The following PLAC8 variants were observed in gnomAD, a reference collection of about 807,000 sequenced individuals.
PLAC8 encodes placenta associated 8, also known as placenta-specific gene 8 protein.
In PLAC8, 6 loss-of-function variants were observed where a neutral mutation model predicts 12.6. The observed-to-expected ratio is 0.48, with a 90% CI of 0.26 to 0.94. PLAC8 has a LOEUF of 0.94. PLAC8 is among the 40% of genes least tolerant of loss of function. The pLI is 0.14. For synonymous variants in PLAC8, 54 were observed against 52.6 expected, an observed-to-expected ratio of 1.03 and a Z score of -0.11; for missense variants, 122 against 152.7, an observed-to-expected ratio of 0.80 and a Z score of 1.06.
intron 2 of PLAC8, among the ~76,000 whole-genome samples, 183 bp from the exon 3 acceptor site, chr4:83,105,203 T>C (rs1429167983): frequency 6.6e-6 from 1 of 152,250 alleles, no homozygotes; most frequent in Non-Finnish European, 1.5e-5. Flanking sequence ...CCGCAAATCA[T>C]TTCAGGAATG....
chr4:83,097,011 T>C (rs1047394746), intron 3 of PLAC8, among the ~76,000 whole-genome samples: 1 of 152,202 alleles, frequency 6.6e-6, no homozygotes. Flanking sequence ...TTCCCTCCTT[T>C]TGGGGATGGA....
chr4:83,095,904 T>A (rs375858238), intron 3 of PLAC8, among the ~76,000 whole-genome samples: 1 of 152,236 alleles, frequency 6.6e-6, no homozygotes, highest in East Asian at 1.9e-4. Context: ...GACTTGAAAC[T>A]GAACACAGTC....
intron 3 of PLAC8, among the ~76,000 whole-genome samples, chr4:83,095,942 T>A (rs1002625657): frequency 6.6e-6 from 1 of 152,192 alleles, no homozygotes; most frequent in African/African-American, 2.4e-5. Flanking sequence ...TGAACCCTCA[T>A]CTCCATCAAG....
chr4:83,099,933 G>A (rs1322693560), intron 3 of PLAC8, among the ~76,000 whole-genome samples: 1 of 151,674 alleles, frequency 6.6e-6, no homozygotes, highest in Non-Finnish European at 1.5e-5. Context: ...TTGAACCTGG[G>A]AGGCAGAGGT....
intron 3 of PLAC8, among the ~76,000 whole-genome samples, chr4:83,103,568 A>T (rs1484165758): frequency 1.2e-4 from 19 of 152,210 alleles, no homozygotes; most frequent in Admixed American, 1.2e-3. Context: ...AAGAAGTTCT[A>T]TTGTAGGTAA....
chr4:83,095,421 A>G (rs537904712), intron 3 of PLAC8, among the ~76,000 whole-genome samples: 1 of 152,344 alleles, frequency 6.6e-6, no homozygotes, highest in Admixed American at 6.5e-5. Context: ...ACTAACAAAA[A>G]CTCAATAATT....
intron 4 of PLAC8, chr4:83,093,850 T>C (rs1033698326): frequency 3.3e-5 from 5 of 152,220 alleles, no homozygotes; most frequent in African/African-American, 1.2e-4. Flanking sequence ...GATACATTAG[T>C]TGCTAAGATA....
intron 1 of PLAC8, among the ~76,000 whole-genome samples, chr4:83,111,492 A>C (rs1732422626): frequency 6.6e-6 from 1 of 152,000 alleles, no homozygotes; most frequent in Admixed American, 6.6e-5. Context: ...AAAATAAAAA[A>C]ATAAAAAAAA....
intron 3 of PLAC8, among the ~76,000 whole-genome samples, chr4:83,100,830 C>A (rs2126141480): frequency 6.6e-6 from 1 of 152,304 alleles, no homozygotes; most frequent in African/African-American, 2.4e-5. Flanking sequence ...CAGAGAGAGG[C>A]TGAAAGCTAG....
Position 83,104,948 on chromosome 4 carries a change from CACAG to C in PLAC8, c.187_190del (p.Leu63ValfsTer7). On this transcript the variant is annotated frameshift_variant, in exon 3 of 5. Transcript: ENST00000311507. LOFTEE classifies it high-confidence loss of function. ...AGTCCTCATTGCGACGCTTGTTCCA[CACAG>C]ACAGCATTCATTCATATCAGCTGCA... The C allele has an allele frequency of 6.2e-7, 1 of 1,614,152 alleles. No individual in the cohort carries two copies. Among genetic ancestry groups the C allele is most frequent in the South Asian group, 1.1e-5 (1 of 91,078 alleles).
chr4:83,100,498 G>A (rs1049043050), intron 3 of PLAC8, among the ~76,000 whole-genome samples: 40 of 66,960 alleles, frequency 6.0e-4, no homozygotes, highest in African/African-American at 2.1e-3. Context: ...CTTCTTTATA[G>A]CAATGCGAGA....
chr4:83,106,849 T>C (rs1283409899), intron 2 of PLAC8, among the ~76,000 whole-genome samples: 2 of 152,160 alleles, frequency 1.3e-5, no homozygotes, highest in African/African-American at 4.8e-5. Context: ...CAAACTTCTT[T>C]CCTCCAAGTT....
intron 1 of PLAC8, among the ~76,000 whole-genome samples, chr4:83,111,180 G>T (rs1732415513): frequency 6.6e-6 from 1 of 152,138 alleles, no homozygotes; most frequent in Non-Finnish European, 1.5e-5. Context: ...TGTTGCCCAG[G>T]CTGACCTTGA....
intron 3 of PLAC8, among the ~76,000 whole-genome samples, chr4:83,097,919 C>T (rs1023135348): frequency 1.8e-4 from 25 of 139,270 alleles, no homozygotes; most frequent in Admixed American, 1.3e-3. Context: ...AGTGCAGTGG[C>T]GTGATCTCGG....
intron 3 of PLAC8, among the ~76,000 whole-genome samples, chr4:83,102,544 A>G (rs918734682): frequency 1.3e-5 from 2 of 151,894 alleles, no homozygotes; most frequent in Non-Finnish European, 2.9e-5. Context: ...GTCTCAAAAA[A>G]CAAAACAGAA....
At position 83,090,582 on chromosome 4, in the gene PLAC8, A is replaced by G. The variant is rs1385564189; in HGVS notation, c.*399T>C. The G allele has an allele frequency of 1.3e-5, 2 of 151,220 alleles. No homozygotes were observed. 9.4% of individuals were successfully genotyped at this position (151,220 alleles called of 1,614,324 possible). On this transcript the variant is annotated 3_prime_UTR_variant, in exon 5 of 5. Transcript: ENST00000311507. Reference sequence around the variant, plus strand: ...TCCCCCAACTCTATTAAAAAAAAAAAAAAAGAAAAAGGAAATCAAAGTATA... The same window carrying G: ...TCCCCCAACTCTATTAAAAAAAAAAGAAAAGAAAAAGGAAATCAAAGTATA...
At chr4:83,101,155 A>G (rs1265119005) in intron 3 of PLAC8, among the ~76,000 whole-genome samples, 1 of 152,186 alleles carries the variant, frequency 6.6e-6, no homozygotes, top group African/African-American at 2.4e-5. Flanking sequence ...CGAGTTGGGC[A>G]GATCACGAGG....
At chr4:83,096,673 TAGAC>T (rs1266310046) in intron 3 of PLAC8, among the ~76,000 whole-genome samples, 3 of 152,204 alleles carry the variant, frequency 2.0e-5, no homozygotes, top group African/African-American at 7.2e-5. Flanking sequence ...GCTATGGACA[TAGAC>T]ATATAGAGTT....
chr4:83,091,987 T>C (rs1407524575), intron 4 of PLAC8, among the ~76,000 whole-genome samples: 1 of 152,216 alleles, frequency 6.6e-6, no homozygotes, highest in South Asian at 2.1e-4. Flanking sequence ...TGGATTCCTA[T>C]GTCCTTCATC....
Sources: allele counts gnomAD v4.1 joint callset (sites outside exome capture counted in the v4.1 genomes callset), GRCh38; gene constraint gnomAD v4.1.1; transcripts MANE v1.5; gene names NCBI Gene and HGNC (gene_info 2026-07-23, HGNC 2026-07-21).